Variants in LUZP2 observed in about 807,000 individuals in gnomAD.
LUZP2 encodes leucine zipper protein 2.
Under a neutral mutation model 51.6 loss-of-function variants are expected in LUZP2, and 52 were observed. The observed-to-expected ratio is 1.01, with a 90% CI of 0.81 to 1.27. The LOEUF (loss-of-function observed/expected upper bound fraction) is 1.27. Among genes scored for constraint, LUZP2 ranks in the 50% most tolerant of loss-of-function variants. The pLI is 0.00. For synonymous variants in LUZP2, 154 were observed against 137.3 expected (o/e 1.12, Z -0.85); for missense variants, 436 against 395.4 (o/e 1.10, Z -0.87).
chr11:24,855,705 T>C (rs1220600454), intron 5 of LUZP2, among the ~76,000 whole-genome samples: 2 of 152,190 alleles, frequency 1.3e-5, no homozygotes, highest in Non-Finnish European at 2.9e-5. Flanking sequence ...TCGTATTACC[T>C]GATCTCAAAT....
chr11:24,773,719 A>T (rs866473910), intron 5 of LUZP2, among the ~76,000 whole-genome samples: 1 of 152,134 alleles, frequency 6.6e-6, no homozygotes, highest in Admixed American at 6.6e-5. Context: ...TCTCAGTAGC[A>T]TTTAAAATCT....
chr11:24,556,833 A>G (rs1851882830), intron 1 of LUZP2, among the ~76,000 whole-genome samples: 1 of 152,088 alleles, frequency 6.6e-6, no homozygotes, highest in Non-Finnish European at 1.5e-5. Context: ...TAACTTACCC[A>G]GAAACACTCA....
At chr11:24,662,814 G>A (rs1856065488) in intron 1 of LUZP2, among the ~76,000 whole-genome samples, 2 of 152,124 alleles carry the variant, frequency 1.3e-5, no homozygotes, top group African/African-American at 4.8e-5. Flanking sequence ...TTGTCAAAAT[G>A]GTAATCCTTT....
intron 9 of LUZP2, among the ~76,000 whole-genome samples, chr11:25,038,706 A>C (rs1318439756): frequency 6.6e-6 from 1 of 152,156 alleles, no homozygotes; most frequent in Non-Finnish European, 1.5e-5. Flanking sequence ...GCTCATTTGT[A>C]GGTAAGGGGA....
In LUZP2 at chr11:24,796,762, A is replaced by AT. The variant is rs1240715762; in HGVS notation, c.396+33457dup. 8.5e-5 allele frequency among the ~76,000 whole-genome samples: 13 copies of AT among 152,256 alleles called. No individual in the cohort carries two copies. In the East Asian group the frequency reaches 2.5e-3, roughly 29 times the overall value. On this transcript the variant is annotated intron_variant, in intron 5 of 11. Coordinates refer to ENST00000336930, the MANE Select transcript of LUZP2 (RefSeq NM_001009909.4). Reference sequence around the variant, plus strand: ...GAAGTATTGCTTCACACTTGACATGATTTAGATACTACACAAGTTTTTTTT... The same window carrying AT: ...GAAGTATTGCTTCACACTTGACATGATTTTAGATACTACACAAGTTTTTTTT...
At chr11:24,697,598 C>T (rs1857288409) in intron 1 of LUZP2, among the ~76,000 whole-genome samples, 1 of 152,196 alleles carries the variant, frequency 6.6e-6, no homozygotes, top group African/African-American at 2.4e-5. Context: ...ATAATAGCTC[C>T]TTTCCAAAAC....
chr11:24,994,832 TA>T (rs1856447993), intron 9 of LUZP2, among the ~76,000 whole-genome samples: 1 of 152,178 alleles, frequency 6.6e-6, no homozygotes, highest in Non-Finnish European at 1.5e-5. Context: ...ACATTTTTAA[TA>T]AATTGAATAT....
intron 7 of LUZP2, among the ~76,000 whole-genome samples, chr11:24,968,680 C>T (rs559978594): frequency 8.4e-4 from 128 of 152,258 alleles, no homozygotes; most frequent in Non-Finnish European, 1.5e-3. Flanking sequence ...TTTTGGGAGC[C>T]CCACCCCTGC....
At chr11:24,885,915 T>G (rs1437082599) in intron 5 of LUZP2, among the ~76,000 whole-genome samples, 1 of 152,190 alleles carries the variant, frequency 6.6e-6, no homozygotes, top group Non-Finnish European at 1.5e-5. Flanking sequence ...CTGAGATAAC[T>G]TCAACAAATA....
intron 1 of LUZP2, among the ~76,000 whole-genome samples, chr11:24,610,457 G>A (rs1854082005): frequency 2.0e-5 from 3 of 152,166 alleles, no homozygotes; most frequent in Admixed American, 2.0e-4. Flanking sequence ...AGAAAACATT[G>A]CTGAATAAGT....
chr11:24,821,684 T>G (rs1590592131), intron 5 of LUZP2, among the ~76,000 whole-genome samples: 1 of 152,204 alleles, frequency 6.6e-6, no homozygotes, highest in Non-Finnish European at 1.5e-5. Flanking sequence ...GCAGACTTTC[T>G]TCTTGCACAT....
intron 1 of LUZP2, among the ~76,000 whole-genome samples, chr11:24,517,269 A>G (rs1850495098): frequency 6.6e-6 from 1 of 151,954 alleles, no homozygotes; most frequent in South Asian, 2.1e-4. Flanking sequence ...GCGGATCATG[A>G]GGTCAGGAGA....
At chr11:24,734,769 G>C (rs1463835506) in intron 3 of LUZP2, among the ~76,000 whole-genome samples, 5 of 151,846 alleles carry the variant, frequency 3.3e-5, no homozygotes, top group Admixed American at 6.6e-5. Context: ...TATCACCTTT[G>C]GTTATCAAAA....
chr11:24,711,279 T>C (rs1789943385), intron 1 of LUZP2, among the ~76,000 whole-genome samples: 1 of 150,718 alleles, frequency 6.6e-6, no homozygotes, highest in Non-Finnish European at 1.5e-5. Context: ...GAAACCCCCG[T>C]CTCTACTAAA....
chr11:24,937,265 C>T (rs190784623), intron 7 of LUZP2, among the ~76,000 whole-genome samples: 118 of 152,180 alleles, frequency 7.8e-4, no homozygotes, highest in African/African-American at 2.8e-3. Context: ...GTAGATGTAG[C>T]TTGATGTGGT....
intron 10 of LUZP2, among the ~76,000 whole-genome samples, chr11:25,050,760 A>G (rs1858484573): frequency 6.6e-6 from 1 of 152,182 alleles, no homozygotes; most frequent in African/African-American, 2.4e-5. Flanking sequence ...GAAAGCTGTT[A>G]AAATGTAAAA....
intron 9 of LUZP2, among the ~76,000 whole-genome samples, chr11:24,997,375 G>A (rs1034989005): frequency 5.3e-5 from 8 of 152,124 alleles, no homozygotes; most frequent in Non-Finnish European, 5.9e-5. Context: ...GCCAGTGATG[G>A]TGAGCATTTT....
chr11:24,890,836 A>G (rs1009344631), intron 5 of LUZP2: 20 of 860,936 alleles, frequency 2.3e-5, no homozygotes, highest in Non-Finnish European at 2.6e-5. Context: ...AATTTCTAAA[A>G]TCACATATAG....
chr11:25,055,318 C>G (rs1219965585), intron 10 of LUZP2, among the ~76,000 whole-genome samples: 1 of 151,976 alleles, frequency 6.6e-6, no homozygotes, highest in Admixed American at 6.6e-5. Context: ...CTACTTTAAT[C>G]TTTTAAAATT....
Sources: allele counts gnomAD v4.1 joint callset (sites outside exome capture counted in the v4.1 genomes callset), GRCh38; gene constraint gnomAD v4.1.1; transcripts MANE v1.5; gene names NCBI Gene and HGNC (gene_info 2026-07-23, HGNC 2026-07-21).